Variants in DSCAML1 observed in about 807,000 individuals in gnomAD.
The protein encoded by DSCAML1 is DS cell adhesion molecule like 1.
In DSCAML1, 38 loss-of-function variants were observed where a neutral mutation model predicts 200.5. The ratio of observed to expected loss-of-function variants is 0.19; its 90% confidence interval spans 0.15 to 0.25. The LOEUF (loss-of-function observed/expected upper bound fraction) is 0.25. Among genes scored for constraint, DSCAML1 ranks in the 10% least tolerant of loss-of-function variants. The pLI, the probability that DSCAML1 is intolerant of heterozygous loss-of-function variation, is 1.00. For missense variants in DSCAML1, 2,223 were observed against 2,858.8 expected, an observed-to-expected ratio of 0.78 and a Z score of 5.07; for synonymous variants, 1,215 against 1,165.0, an observed-to-expected ratio of 1.04 and a Z score of -0.87.
chr11:117,653,948 C>T (rs912002063), intron 3 of DSCAML1, among the ~76,000 whole-genome samples: 2 of 152,138 alleles, frequency 1.3e-5, no homozygotes, highest in Non-Finnish European at 2.9e-5. Flanking sequence ...ATCACTTGAG[C>T]CCACGAGTTT....
chr11:117,770,279 G>A (rs1386334040), intron 3 of DSCAML1, among the ~76,000 whole-genome samples: 2 of 152,240 alleles, frequency 1.3e-5, no homozygotes, highest in Non-Finnish European at 2.9e-5. Context: ...AGGGGTCCAA[G>A]CTCCTTTTGT....
At chr11:117,773,529 G>GCACACACACACACA (rs59492776) in intron 3 of DSCAML1, among the ~76,000 whole-genome samples, 2 of 144,484 alleles carry the variant, frequency 1.4e-5, no homozygotes, top group South Asian at 2.2e-4. Flanking sequence ...ACCTCAAAAT[G>GCACACACACACACA]CACACACACA....
intron 20 of DSCAML1, among the ~76,000 whole-genome samples, chr11:117,448,855 G>A (rs892529926): frequency 1.6e-4 from 24 of 152,178 alleles, no homozygotes; most frequent in Admixed American, 1.1e-3. Flanking sequence ...TCTCCTAGGC[G>A]TACACCTGGC....
intron 11 of DSCAML1, among the ~76,000 whole-genome samples, chr11:117,487,505 A>C (rs549289): frequency 0.29 from 44,125 of 151,982 alleles, 7,051 homozygotes; most frequent in African/African-American, 0.41. Flanking sequence ...GAGCATCTTA[A>C]AAGAGGATGG....
intron 3 of DSCAML1, among the ~76,000 whole-genome samples, chr11:117,591,546 C>G (rs1030785284): frequency 1.3e-5 from 2 of 152,232 alleles, no homozygotes; most frequent in African/African-American, 4.8e-5. Flanking sequence ...GTAATATTCT[C>G]TGTCTGGGGA....
chr11:117,733,125 G>A (rs2054254090), intron 3 of DSCAML1, among the ~76,000 whole-genome samples: 1 of 131,396 alleles, frequency 7.6e-6, no homozygotes, highest in African/African-American at 2.7e-5. Context: ...AGGCAGGGAG[G>A]AGCATCAGGA....
At chr11:117,816,909 C>T (rs573036187) in intron 1 of DSCAML1, among the ~76,000 whole-genome samples, 2 of 152,118 alleles carry the variant, frequency 1.3e-5, no homozygotes, top group Non-Finnish European at 2.9e-5. Flanking sequence ...TAGGAGCTAG[C>T]GATCGGCCTG....
chr11:117,511,420 G>A (rs143831715), intron 8 of DSCAML1, among the ~76,000 whole-genome samples: 47 of 152,292 alleles, frequency 3.1e-4, no homozygotes, highest in African/African-American at 1.0e-3. Flanking sequence ...TGCCTTCCTA[G>A]TTAATTAAAC....
At chr11:117,481,105 G>A (rs2048906017) in intron 13 of DSCAML1, 69 bp downstream of exon 13, 2 of 1,440,456 alleles carry the variant, frequency 1.4e-6, no homozygotes, top group South Asian at 1.1e-5. Flanking sequence ...TGCTCTTTGA[G>A]GTGGAGTTAG....
chr11:117,475,216 T>C (rs1592635553), intron 14 of DSCAML1, among the ~76,000 whole-genome samples: 1 of 152,150 alleles, frequency 6.6e-6, no homozygotes, highest in Admixed American at 6.5e-5. Context: ...CTGCGGCCAT[T>C]GTCCACTCTA....
intron 21 of DSCAML1, among the ~76,000 whole-genome samples, chr11:117,443,411 C>T (rs1022940781): frequency 1.1e-4 from 16 of 152,352 alleles, no homozygotes; most frequent in South Asian, 4.1e-4. Flanking sequence ...GCACGCGCTC[C>T]GTAAAGGTCT....
At chr11:117,502,810 A>G (rs993371653) in intron 11 of DSCAML1, among the ~76,000 whole-genome samples, 2 of 152,180 alleles carry the variant, frequency 1.3e-5, no homozygotes, top group African/African-American at 4.8e-5. Context: ...CGCTCTTGAC[A>G]TGAAATGTAA....
At chr11:117,669,426 T>C (rs1328121215) in intron 3 of DSCAML1, among the ~76,000 whole-genome samples, 3 of 152,320 alleles carry the variant, frequency 2.0e-5, no homozygotes, top group Non-Finnish European at 2.9e-5. Flanking sequence ...TGGTGAGAGA[T>C]GGCAACTCTT....
intron 16 of DSCAML1, among the ~76,000 whole-genome samples, chr11:117,465,932 T>C (rs934783067): frequency 6.6e-6 from 1 of 152,170 alleles, no homozygotes; most frequent in Admixed American, 6.5e-5. Context: ...ACGGCTCTTA[T>C]AACAATAATG....
At chr11:117,433,385 C>A in intron 28 of DSCAML1, 56 bp downstream of exon 28, 1 of 1,602,954 alleles carries the variant, frequency 6.2e-7, no homozygotes, top group Non-Finnish European at 8.5e-7. Flanking sequence ...CTCCTGGGTC[C>A]TCCTCAGGAC....
intron 32 of DSCAML1, among the ~76,000 whole-genome samples, chr11:117,429,962 CCA>C (rs1231630938): frequency 1.3e-5 from 2 of 152,224 alleles, no homozygotes; most frequent in Non-Finnish European, 2.9e-5. Context: ...GTCACAGTCT[CCA>C]CAGTCTTTCC....
chr11:117,491,755 C>A (rs539039686), intron 11 of DSCAML1, among the ~76,000 whole-genome samples: 4 of 152,218 alleles, frequency 2.6e-5, no homozygotes, highest in Non-Finnish European at 5.9e-5. Context: ...GCCTGTACAA[C>A]AGAGTGAGAC....
intron 3 of DSCAML1, among the ~76,000 whole-genome samples, chr11:117,591,602 C>T (rs554444577): frequency 6.6e-6 from 1 of 152,208 alleles, no homozygotes; most frequent in East Asian, 1.9e-4. Flanking sequence ...GATTTATGCA[C>T]CTGGGTGGCA....
intron 15 of DSCAML1, among the ~76,000 whole-genome samples, chr11:117,470,263 A>G (rs902405476): frequency 2.6e-5 from 4 of 152,348 alleles, no homozygotes; most frequent in Middle Eastern, 3.4e-3. Flanking sequence ...GTTGAAGAGT[A>G]TGAAGTGTCT....
Sources: allele counts gnomAD v4.1 joint callset (sites outside exome capture counted in the v4.1 genomes callset), GRCh38; gene constraint gnomAD v4.1.1; transcripts MANE v1.5; gene names NCBI Gene and HGNC (gene_info 2026-07-23, HGNC 2026-07-21).